CAV2: variants seen among roughly 807,000 people sequenced by gnomAD.
CAV2 encodes caveolin-2.
A neutral mutation model predicts 15.5 loss-of-function variants in CAV2; 7 were observed. The ratio of observed to expected loss-of-function variants is 0.45; its 90% CI spans 0.26 to 0.85. The LOEUF (loss-of-function observed/expected upper bound fraction) is 0.85. Ranked by LOEUF, CAV2 falls within the 40% of genes least tolerant of loss-of-function variation. The probability of loss-of-function intolerance (pLI) is 0.18; values close to 1 mark genes in which losing one functional copy is unlikely to be tolerated. For missense variants in CAV2, 229 were observed against 208.8 expected (o/e 1.10, Z -0.60); for synonymous variants, 76 against 83.1 (o/e 0.91, Z 0.46).
At position 116,506,731 on chromosome 7, in the gene CAV2, T is replaced by G. The variant is rs1793247085; in HGVS notation, c.*610T>G. ...CAGGCCTATTTAACAAGATGTTTCATTTTACTGTATATTTTGTAGTTAATA... is the reference window on the plus strand; with the variant it reads ...CAGGCCTATTTAACAAGATGTTTCAGTTTACTGTATATTTTGTAGTTAATA... On this transcript the variant is annotated 3_prime_UTR_variant, in exon 3 of 3. Transcript: ENST00000222693. 6.6e-6 allele frequency: 1 copy of G among 152,224 alleles called. No homozygotes were observed. Among genetic ancestry groups the G allele is most frequent in the Non-Finnish European group, 1.5e-5 (1 of 68,032 alleles). The allele number at this position is 152,224 out of a possible 1,614,324, so 9.4% of individuals were successfully genotyped here.
At chr7:116,500,097 C>T in intron 1 of CAV2, 163 bp from the exon 2 acceptor site, 1 of 1,469,056 alleles carries the variant, frequency 6.8e-7, no homozygotes, top group Non-Finnish European at 9.0e-7. Flanking sequence ...CCCGCGTAGC[C>T]AGGAATTCTT....
At chr7:116,500,500 C>A in intron 2 of CAV2, 53 bp downstream of exon 2, 1 of 1,529,408 alleles carries the variant, frequency 6.5e-7, no homozygotes, top group Non-Finnish European at 8.9e-7. Context: ...GGCATATTCT[C>A]CGCCACCTGC....
intron 1 of CAV2, 144 bp downstream of exon 1, chr7:116,500,075 G>T (rs934717558): frequency 1.4e-6 from 2 of 1,467,352 alleles, no homozygotes; most frequent in African/African-American, 1.4e-5. Flanking sequence ...GGTCCCACCC[G>T]TCACCAGGCC....
At chr7:116,501,075 A>G (rs1173386426) in intron 2 of CAV2, 1 of 152,232 alleles carries the variant, frequency 6.6e-6, no homozygotes, top group African/African-American at 2.4e-5. Flanking sequence ...AAGGCCTCCA[A>G]ATTACTTTTT....
At chr7:116,502,286 C>T (rs1793122421) in intron 2 of CAV2, among the ~76,000 whole-genome samples, 1 of 152,146 alleles carries the variant, frequency 6.6e-6, no homozygotes, top group African/African-American at 2.4e-5. Context: ...TTGTATAGTG[C>T]TTCAATTGGT....
chr7:116,504,317 C>G (rs1375639379), intron 2 of CAV2, among the ~76,000 whole-genome samples: 1 of 152,062 alleles, frequency 6.6e-6, no homozygotes, highest in Admixed American at 6.6e-5. Context: ...TAGCAACATG[C>G]CCAAGACCAC....
chr7:116,499,856 C>T lies in CAV2; in HGVS notation c.75C>T (p.Leu25=), dbSNP rs1299714670. 6.2e-7 allele frequency: 1 copy of T among 1,606,860 alleles called. No homozygotes were observed. Among genetic ancestry groups the T allele is most frequent in the East Asian group, 2.2e-5 (1 of 44,494 alleles). The change falls in exon 1 of 3, where the codon CTC becomes CTT. Residue 25 remains leucine, a synonymous_variant. Coordinates refer to ENST00000222693, the MANE Select transcript of CAV2 (RefSeq NM_001233.5). ...DDDSYSHHSG[L]EYADPEKFAD... ...ACTCCTACAGCCACCACAGCGGCCT[C>T]GAGTACGCCGACCCCGAGAAGTTCG...
intron 2 of CAV2, 140 bp from the exon 3 acceptor site, chr7:116,505,831 A>G (rs974491122): frequency 1.2e-5 from 7 of 594,454 alleles, no homozygotes; most frequent in African/African-American, 9.4e-5. Flanking sequence ...ATTATCAGTG[A>G]TCATTGTTCA....
chr7:116,501,123 AG>A (rs1486635720), intron 2 of CAV2: 2 of 152,268 alleles, frequency 1.3e-5, no homozygotes, highest in Middle Eastern at 3.2e-3. Context: ...ATATAATTAA[AG>A]GGGAAAGAAA....
At chr7:116,501,558 T>C (rs1390188264) in intron 2 of CAV2, among the ~76,000 whole-genome samples, 1 of 152,200 alleles carries the variant, frequency 6.6e-6, no homozygotes, top group African/African-American at 2.4e-5. Context: ...TTTAAATTGA[T>C]TGAGTGCTTA....
At chr7:116,503,778 C>T (rs1184320093) in intron 2 of CAV2, among the ~76,000 whole-genome samples, 1 of 150,768 alleles carries the variant, frequency 6.6e-6, no homozygotes, top group Admixed American at 6.6e-5. Context: ...TGCAGTGAGC[C>T]GAGATCACTT....
rs1050759127 is a variant in CAV2 at position 116,506,751 on chromosome 7, T to A, written c.*630T>A. ...TTTCATTTTACTGTATATTTTGTAGTTAATATAAATGTTGCTCTAATCAGA... is the reference window on the plus strand; with the variant it reads ...TTTCATTTTACTGTATATTTTGTAGATAATATAAATGTTGCTCTAATCAGA... On this transcript the variant is annotated 3_prime_UTR_variant, in exon 3 of 3. Transcript: ENST00000222693. 1 of 152,232 alleles carries A rather than the reference T, an allele frequency of 6.6e-6. No individual in the cohort carries two copies. The highest frequency in any genetic ancestry group is 1.5e-5 in the Non-Finnish European group (1 of 68,022). 9.4% of individuals were successfully genotyped at this position (152,232 alleles called of 1,614,324 possible). A position where few individuals can be genotyped will look rare whatever the true frequency, so the allele number is the denominator to read the frequency against.
chr7:116,499,992 C>A, intron 1 of CAV2, 61 bp downstream of exon 1: 1 of 1,576,210 alleles, frequency 6.3e-7, no homozygotes, highest in Non-Finnish European at 8.6e-7. Flanking sequence ...GGGCGCCCCT[C>A]AGCCCCGCCC....
At chr7:116,501,935 G>A (rs1211232968) in intron 2 of CAV2, among the ~76,000 whole-genome samples, 2 of 152,146 alleles carry the variant, frequency 1.3e-5, no homozygotes, top group African/African-American at 4.8e-5. Flanking sequence ...TCTGACATTT[G>A]CACTTGAATT....
chr7:116,499,751 C>A lies in CAV2; in HGVS notation c.-31C>A, dbSNP rs749854905. ...GGACCGGGAGCCGCACCGCGCCAGC[C>A]GGGCTGCAGCGGCCGCGCACCAAGG... On this transcript the variant is annotated 5_prime_UTR_variant, in exon 1 of 3. Transcript: ENST00000222693. 1 of 1,485,108 alleles carries A rather than the reference C, an allele frequency of 6.7e-7. No homozygotes were observed. The highest frequency in any genetic ancestry group is 1.5e-5 in the African/African-American group (1 of 68,234). 92.0% of individuals were successfully genotyped at this position (1,485,108 alleles called of 1,614,324 possible). A position where few individuals can be genotyped will look rare whatever the true frequency, so the allele number is the denominator to read the frequency against.
intron 2 of CAV2, 34 bp from the exon 3 acceptor site, chr7:116,505,937 A>G: frequency 6.6e-7 from 1 of 1,509,618 alleles, no homozygotes; most frequent in Non-Finnish European, 9.2e-7. Flanking sequence ...GGTAACAGCA[A>G]CAATCCTCAC....
At chr7:116,504,243 G>T (rs1245028945) in intron 2 of CAV2, among the ~76,000 whole-genome samples, 1 of 152,050 alleles carries the variant, frequency 6.6e-6, no homozygotes, top group South Asian at 2.1e-4. Flanking sequence ...CATTTCAGGG[G>T]TACATAATAA....
At chr7:116,504,529 A>C (rs1793186945) in intron 2 of CAV2, among the ~76,000 whole-genome samples, 1 of 152,242 alleles carries the variant, frequency 6.6e-6, no homozygotes, top group South Asian at 2.1e-4. Context: ...TATATCAATC[A>C]ATCAGAAAGC....
chr7:116,504,987 A>T (rs1479567055), intron 2 of CAV2, among the ~76,000 whole-genome samples: 1 of 152,246 alleles, frequency 6.6e-6, no homozygotes, highest in African/African-American at 2.4e-5. Context: ...TGATAAATTT[A>T]TGTTAGCTCA....
Sources: gnomAD v4.1 joint callset for allele counts (sites outside exome capture counted in the v4.1 genomes callset) on GRCh38, gnomAD v4.1.1 for gene constraint, MANE v1.5 for transcripts, NCBI Gene and HGNC (gene_info 2026-07-23, HGNC 2026-07-21) for gene names.